The following ASIC4 variants were observed in gnomAD, a reference collection of about 807,000 sequenced individuals.
The protein encoded by ASIC4 is acid sensing ion channel subunit family member 4, also known as acid-sensing ion channel 4.
ASIC4 carries 28 observed loss-of-function variants against 53.4 expected under a neutral mutation model. That is an observed-to-expected ratio of 0.52 (90% CI 0.39 to 0.72). The LOEUF (loss-of-function observed/expected upper bound fraction) is 0.72. ASIC4 is among the 30% of genes least tolerant of loss of function. The pLI, the probability that ASIC4 is intolerant of heterozygous loss-of-function variation, is 0.00. For synonymous variants in ASIC4, 289 were observed against 301.4 expected, an observed-to-expected ratio of 0.96 and a Z score of 0.43; for missense variants, 649 against 729.7, an observed-to-expected ratio of 0.89 and a Z score of 1.27.
upstream of ASIC4, chr2:219,514,387 C>T (rs1198600448): frequency 2.2e-5 from 34 of 1,546,966 alleles, no homozygotes; most frequent in Non-Finnish European, 2.7e-5. Flanking sequence ...GGCGGAGCAG[C>T]GCTCGCTCCC....
At chr2:219,532,223 C>G in intron 3 of ASIC4, 92 bp from the exon 4 acceptor site, 1 of 1,598,294 alleles carries the variant, frequency 6.3e-7, no homozygotes, top group Non-Finnish European at 8.6e-7. Flanking sequence ...AAGCTCAGAG[C>G]CTGCCAGCTG....
intron 1 of ASIC4, among the ~76,000 whole-genome samples, chr2:219,530,509 G>A (rs1004398788): frequency 2.0e-5 from 3 of 152,276 alleles, no homozygotes; most frequent in Non-Finnish European, 4.4e-5. Context: ...TGCTCATTGA[G>A]GGAGATGGAC....
At chr2:219,535,682 G>A (rs1441051914) in intron 6 of ASIC4, among the ~76,000 whole-genome samples, 2 of 151,974 alleles carry the variant, frequency 1.3e-5, no homozygotes, top group South Asian at 2.1e-4. Flanking sequence ...CCCTCAACAG[G>A]CGCTGGGCAT....
At position 219,515,188 on chromosome 2, in the gene ASIC4, T is replaced by TGCGCTACCCA; in HGVS notation, c.466_475dup (p.Glu159AlafsTer6). 1 of 1,614,208 alleles carries TGCGCTACCCA rather than the reference T, an allele frequency of 6.2e-7. No individual in the cohort carries two copies. Among genetic ancestry groups the TGCGCTACCCA allele is most frequent in the Non-Finnish European group, 8.5e-7 (1 of 1,180,024 alleles). On this transcript the variant is annotated frameshift_variant, in exon 1 of 10. Coordinates refer to ENST00000358078, the MANE Select transcript of ASIC4 (RefSeq NM_018674.6). LOFTEE classifies it high-confidence loss of function. Reference sequence around the variant, plus strand: ...CGGGATGGGCACCGTGCGGCTGGCCTGCGCTACCCAGAGCCTGACATGGTA... The same window carrying TGCGCTACCCA: ...CGGGATGGGCACCGTGCGGCTGGCCTGCGCTACCCAGCGCTACCCAGAGCCTGACATGGTA...
At chr2:219,513,386 C>G (rs908292094), upstream of ASIC4, among the ~76,000 whole-genome samples, 9 of 152,106 alleles carry the variant, frequency 5.9e-5, no homozygotes, top group Non-Finnish European at 1.5e-5. Context: ...CTCCCACCCC[C>G]ACCTATGATG....
At chr2:219,530,696 C>CG (rs147881245) in intron 1 of ASIC4, among the ~76,000 whole-genome samples, 5,089 of 152,088 alleles carry the variant, frequency 0.033, 289 homozygotes, top group African/African-American at 0.11. Flanking sequence ...AGTGTGTGTG[C>CG]GGGGGCATTC....
chr2:219,526,539 CA>C lies in ASIC4; in HGVS notation c.583-5218del, dbSNP rs144980996. 7.3e-3 allele frequency among the ~76,000 whole-genome samples: 1,107 copies of C among 152,212 alleles called. 15 individuals carry two copies. Among genetic ancestry groups the C allele is most frequent in the African/African-American group, 0.025 (1,032 of 41,512 alleles). ...AGGGGATGGACAGGTCAACAGAGGG[CA>C]GGGGCAGAGAAACAGAGTCCAAGTG... On this transcript the variant is annotated intron_variant, in intron 1 of 9. Coordinates refer to ENST00000358078, the MANE Select transcript of ASIC4 (RefSeq NM_018674.6).
intron 5 of ASIC4, 134 bp from the exon 6 acceptor site, chr2:219,535,037 G>T: frequency 7.5e-7 from 1 of 1,326,800 alleles, no homozygotes; most frequent in Non-Finnish European, 1.0e-6. Context: ...AGGAAGCACT[G>T]GGGCTGGCCA....
Position 219,537,445 on chromosome 2 carries a change from C to T in ASIC4, c.1401+124C>T, listed in dbSNP as rs944998297. 12 of 1,232,846 alleles carry T rather than the reference C, an allele frequency of 9.7e-6. No homozygotes were observed. Among genetic ancestry groups the T allele is most frequent in the Non-Finnish European group, 1.1e-5 (10 of 871,504 alleles). 76.4% of individuals were successfully genotyped at this position (1,232,846 alleles called of 1,614,324 possible). A position where few individuals can be genotyped will look rare whatever the true frequency, so the allele number is the denominator to read the frequency against. On this transcript the variant is annotated intron_variant, in intron 8 of 9. Coordinates refer to ENST00000358078, the MANE Select transcript of ASIC4 (RefSeq NM_018674.6). The surrounding 1 kb of genome is among the most constrained non-coding windows in gnomAD (Gnocchi z 4.9). ...CAGGTTCAGGGTTCTCTGCCAGGGT[C>T]CCCTGACTGGCTGGCAGGCCTGAGG...
intron 1 of ASIC4, among the ~76,000 whole-genome samples, chr2:219,530,944 C>G (rs1044618213): frequency 6.6e-6 from 1 of 152,014 alleles, no homozygotes; most frequent in African/African-American, 2.4e-5. Flanking sequence ...CCATGGCTTC[C>G]GGTAGGGAGG....
chr2:219,533,385 T>A, intron 5 of ASIC4: 1 of 232,654 alleles, frequency 4.3e-6, no homozygotes. Flanking sequence ...TCCAGACCTT[T>A]ACAGCCTGTG....
intron 1 of ASIC4, among the ~76,000 whole-genome samples, chr2:219,530,860 T>C (rs975740597): frequency 2.6e-5 from 4 of 152,184 alleles, no homozygotes; most frequent in African/African-American, 9.7e-5. Flanking sequence ...GACTTCATTA[T>C]GTGGGAAATG....
At chr2:219,522,161 G>A (rs957202745) in intron 1 of ASIC4, among the ~76,000 whole-genome samples, 1 of 152,212 alleles carries the variant, frequency 6.6e-6, no homozygotes, top group African/African-American at 2.4e-5. Context: ...CAGTTCCAGA[G>A]AGATAGGCAC....
At chr2:219,519,452 C>G (rs1694852826) in intron 1 of ASIC4, among the ~76,000 whole-genome samples, 1 of 152,230 alleles carries the variant, frequency 6.6e-6, no homozygotes, top group Non-Finnish European at 1.5e-5. Flanking sequence ...ACACCCTCCT[C>G]TGCCCTGTAC....
In ASIC4 at chr2:219,537,189, T is replaced by C; in HGVS notation, c.1321+32T>C. ...CTGGTGTCCCTGCCCCCAGCTTGTG[T>C]GGGGGTGGATCGGCCCGGCCGCTCC... On this transcript the variant is annotated intron_variant, in intron 7 of 9. Coordinates refer to ENST00000358078, the MANE Select transcript of ASIC4 (RefSeq NM_018674.6). This position sits in a 1 kb window ranked among gnomAD's most constrained non-coding sequence, Gnocchi z 4.9. 6.2e-7 allele frequency: 1 copy of C among 1,612,242 alleles called. No individual in the cohort carries two copies. Among genetic ancestry groups the C allele is most frequent in the Non-Finnish European group, 8.5e-7 (1 of 1,178,624 alleles).
chr2:219,524,321 TTGTAGGTACTGTGTGCCAAG>T (rs1694932480), intron 1 of ASIC4, among the ~76,000 whole-genome samples: 1 of 152,206 alleles, frequency 6.6e-6, no homozygotes, highest in African/African-American at 2.4e-5. Context: ...CGCCTACTAT[TTGTAGGTACTGTGTGCCAAG>T]TGTATGTCAC....
intron 1 of ASIC4, among the ~76,000 whole-genome samples, chr2:219,522,282 C>G (rs994351583): frequency 6.6e-6 from 1 of 151,954 alleles, no homozygotes; most frequent in Non-Finnish European, 1.5e-5. Context: ...AAATCCGTGG[C>G]GCTTGGCTCA....
intron 1 of ASIC4, among the ~76,000 whole-genome samples, chr2:219,523,812 GC>G (rs1694925077): frequency 7.2e-6 from 1 of 138,894 alleles, no homozygotes; most frequent in South Asian, 2.5e-4. Context: ...TGTTGTAAGT[GC>G]CCCATAAGCA....
upstream of ASIC4, among the ~76,000 whole-genome samples, chr2:219,512,626 G>A (rs1694716469): frequency 6.6e-6 from 1 of 152,184 alleles, no homozygotes; most frequent in Admixed American, 6.5e-5. Flanking sequence ...GAGAGAGGGG[G>A]CTGTCTGTGG....
Sources: gnomAD v4.1 joint callset for allele counts (sites outside exome capture counted in the v4.1 genomes callset) on GRCh38, gnomAD v4.1.1 for gene constraint, Gnocchi (gnomAD v3.1) non-coding constraint, MANE v1.5 for transcripts, NCBI Gene and HGNC (gene_info 2026-07-23, HGNC 2026-07-21) for gene names.